MYOM3: variants seen among roughly 807,000 people sequenced by gnomAD.
MYOM3 encodes the protein myomesin-3.
MYOM3 carries 155 observed loss-of-function variants against 191.7 expected under a neutral mutation model. The observed-to-expected ratio is 0.81, with a 90% confidence interval of 0.71 to 0.92. The LOEUF is 0.92. Ranked by LOEUF, MYOM3 falls within the 40% of genes least tolerant of loss-of-function variation. The pLI is 0.00. For missense variants in MYOM3, 1,889 were observed against 1,890.6 expected (o/e 1.00, Z 0.02); for synonymous variants, 757 against 762.9 (o/e 0.99, Z 0.13).
At chr1:24,093,818 T>A (rs531975608) in intron 9 of MYOM3, among the ~76,000 whole-genome samples, 1 of 152,234 alleles carries the variant, frequency 6.6e-6, no homozygotes, top group Non-Finnish European at 1.5e-5. Context: ...TACTCCCTGC[T>A]CCCAGCAGGT....
chr1:24,065,993 G>T lies in MYOM3; in HGVS notation c.3432C>A (p.Asn1144Lys). 1 of 1,611,458 alleles carries T rather than the reference G, an allele frequency of 6.2e-7. No individual in the cohort carries two copies. Among genetic ancestry groups the T allele is most frequent in the Non-Finnish European group, 8.5e-7 (1 of 1,177,492 alleles). Residue 1144 changes from asparagine to lysine, a missense_variant, in exon 29 of 37, where the codon AAC (asparagine) becomes AAA (lysine). By Grantham distance (94) the Asn-to-Lys change is moderately conservative. Coordinates refer to ENST00000374434, the MANE Select transcript of MYOM3 (RefSeq NM_152372.4). The stretch of plus-strand genomic sequence containing the variant: ...ACTGAAAGCGAGTCTCCTTCTTGGT[G>T]TTGGTCACCTGGGGAAGGTGGGGAA... ...CQVQLTCKVTNTKKETRFQWF... is the reference protein window; with the variant it reads ...CQVQLTCKVTKTKKETRFQWF...
chr1:24,061,890 A>G, intron 33 of MYOM3, 56 bp downstream of exon 33: 1 of 1,599,634 alleles, frequency 6.3e-7, no homozygotes. Flanking sequence ...GTGTGCCCAG[A>G]CTGTCCATGG....
chr1:24,062,033 G>C lies in MYOM3; in HGVS notation c.3847C>G (p.Pro1283Ala). ...LDEIWLHILD[P>A]KDSDKGKYTL... is the part of the protein sequence containing the mutation. ...TATTTGCCCTTGTCTGAGTCTTTGG[G>C]GTCCAGGATGTGAAGCCAGATCTCA... is the stretch of plus-strand genomic sequence containing the variant. The change falls in exon 33 of 37, where the codon CCC (proline) becomes GCC (alanine). Residue 1283 changes from proline (P) to alanine (A), a missense_variant. Coordinates refer to ENST00000374434, the MANE Select transcript of MYOM3 (RefSeq NM_152372.4). The C allele has an allele frequency of 1.2e-6, 2 of 1,614,086 alleles. No homozygotes were observed. Among genetic ancestry groups the C allele is most frequent in the Non-Finnish European group, 1.7e-6 (2 of 1,180,028 alleles).
At chr1:24,106,382 C>A in intron 4 of MYOM3, among the ~76,000 whole-genome samples, 1 of 152,042 alleles carries the variant, frequency 6.6e-6, no homozygotes, top group South Asian at 2.1e-4. Context: ...GTGAAAGACA[C>A]GGCACTGAGA....
At chr1:24,102,355 G>A (rs1027026473) in intron 5 of MYOM3, among the ~76,000 whole-genome samples, 9 of 152,078 alleles carry the variant, frequency 5.9e-5, no homozygotes, top group African/African-American at 1.9e-4. Context: ...CACACCTGTC[G>A]GGAAGATTCC....
At chr1:24,059,893 T>A (rs982366564) in intron 35 of MYOM3, among the ~76,000 whole-genome samples, 1 of 152,094 alleles carries the variant, frequency 6.6e-6, no homozygotes, top group Non-Finnish European at 1.5e-5. Context: ...AAGATCCCGA[T>A]GCGGATGGTG....
At chr1:24,104,484 CT>C (rs1029746063) in intron 5 of MYOM3, among the ~76,000 whole-genome samples, 3 of 151,212 alleles carry the variant, frequency 2.0e-5, no homozygotes, top group Non-Finnish European at 4.4e-5. Flanking sequence ...TATTTCTTTT[CT>C]TTTTTTTTGA....
In MYOM3 at chr1:24,071,212, G is replaced by A. The variant is rs183674235; in HGVS notation, c.3055C>T (p.Arg1019Ter). ...TCCAGCCAAAGCCGCACCTCCCCTC[G>A]CTCCAGGATGTCAATGTTCCAGCCG... ...ISGWNIDILE[R>*]GEVRLWLEVE... is the part of the protein sequence containing the mutation. Residue 1019 changes from arginine (R) to a stop codon, truncating the protein, a stop_gained, in exon 25 of 37, where the codon CGA becomes TGA. Coordinates refer to ENST00000374434, the MANE Select transcript of MYOM3 (RefSeq NM_152372.4). LOFTEE classifies it high-confidence loss of function. The A allele has an allele frequency of 3.1e-6, 5 of 1,613,738 alleles. No individual in the cohort carries two copies. The highest frequency in any genetic ancestry group is 4.2e-6 in the Non-Finnish European group (5 of 1,179,864).
In MYOM3 at chr1:24,081,362, A is replaced by G; in HGVS notation, c.2375T>C (p.Phe792Ser). ...GGGCATTGTCCACTCTTTGCACTCA[A>G]ACAGGCTGCTGGGTGCCGACAGCTC... ...VGELSAPSSL[F>S]ECKEWTMPQP... Residue 792 changes from phenylalanine (F) to serine (S), a missense_variant, in exon 19 of 37, where the codon TTT becomes TCT. Coordinates refer to ENST00000374434, the MANE Select transcript of MYOM3 (RefSeq NM_152372.4). 1 of 1,614,128 alleles carries G rather than the reference A, an allele frequency of 6.2e-7. No individual in the cohort carries two copies. Among genetic ancestry groups the G allele is most frequent in the East Asian group, 2.2e-5 (1 of 44,880 alleles).
In MYOM3 at chr1:24,057,325, C is replaced by T. The variant is rs1188999867; in HGVS notation, c.*39G>A. 6 of 1,590,282 alleles carry T rather than the reference C, an allele frequency of 3.8e-6. 1 individual carries two copies. The Admixed American group carries it at 8.5e-5, about 22-fold the overall frequency. On this transcript the variant is annotated 3_prime_UTR_variant, in exon 37 of 37. Transcript: ENST00000374434. The stretch of plus-strand genomic sequence containing the variant: ...CTGGTACAGGTTGTCCCTACTGGTC[C>T]ATGTAGACTAGACTCAGACTGTGCC...
rs201826629 is a variant in MYOM3, at chr1:24,061,284, G to A, written c.3960C>T (p.His1320=). The change falls in exon 34 of 37, where the codon CAC becomes CAT. Residue 1320 remains histidine, a synonymous_variant. Coordinates refer to ENST00000374434, the MANE Select transcript of MYOM3 (RefSeq NM_152372.4). ...GQAFEDAMAE[H]QRLKTLAIIE... is the part of the protein sequence containing the mutation. ...TAGAGGAAACTTACTTCAGTCTCTG[G>A]TGTTCAGCCATTGCATCCTCAAAAG... is the stretch of plus-strand genomic sequence containing the variant. 1.1e-5 allele frequency: 18 copies of A among 1,614,082 alleles called. 1 individual carries two copies. In the East Asian group the frequency reaches 3.8e-4, roughly 34 times the overall value.
At chr1:24,105,165 C>T (rs1643972142) in intron 5 of MYOM3, among the ~76,000 whole-genome samples, 1 of 151,698 alleles carries the variant, frequency 6.6e-6, no homozygotes, top group Non-Finnish European at 1.5e-5. Context: ...CTCCTGCTTT[C>T]CCAGCCCCCT....
At chr1:24,095,373 G>T in intron 8 of MYOM3, 69 bp downstream of exon 8, 6 of 1,448,080 alleles carry the variant, frequency 4.1e-6, no homozygotes, top group Non-Finnish European at 5.8e-6. Context: ...TCTAAACAGG[G>T]ACTGTGGGGG....
chr1:24,071,185 C>T lies in MYOM3; in HGVS notation c.3082G>A (p.Val1028Ile), dbSNP rs374619324. The change falls in exon 25 of 37, where the codon GTA (valine) becomes ATA (isoleucine). Residue 1028 changes from valine to isoleucine, a missense_variant. Transcript: ENST00000374434. ...TCAGCGGCTGGAGATAACTTTTCTA[C>T]TTCCAGCCAAAGCCGCACCTCCCCT... ...ERGEVRLWLE[V>I]EKLSPAAELH... 1.4e-5 allele frequency: 23 copies of T among 1,614,052 alleles called. No individual in the cohort carries two copies. The highest frequency in any genetic ancestry group is 1.8e-5 in the Non-Finnish European group (21 of 1,180,022).
chr1:24,085,280 AGATGGATG>A (rs55900087), intron 15 of MYOM3, among the ~76,000 whole-genome samples: 13,484 of 137,386 alleles, frequency 0.098, 1,792 homozygotes, highest in African/African-American at 0.33. Context: ...ATGGATGGAT[AGATGGATG>A]GATGGATGGA....
intron 23 of MYOM3, 130 bp downstream of exon 23, chr1:24,074,030 G>C: frequency 1.5e-6 from 1 of 658,714 alleles, no homozygotes; most frequent in Non-Finnish European, 2.7e-6. Flanking sequence ...AGAATGGGTG[G>C]GTGAGGGCCT....
intron 16 of MYOM3, chr1:24,083,349 T>A (rs865961687): frequency 6.6e-6 from 1 of 152,256 alleles, no homozygotes; most frequent in Non-Finnish European, 1.5e-5. Flanking sequence ...GGACTCCAAG[T>A]TCTTTAGCTT....
Position 24,075,354 on chromosome 1 carries a change from G to A in MYOM3, c.2823C>T (p.Asp941=), listed in dbSNP as rs1330984824. The A allele has an allele frequency of 6.2e-7, 1 of 1,612,814 alleles. No individual in the cohort carries two copies. The part of the protein sequence containing the change: ...QWSKDYKGPL[D]PQRVKIEDKV... ...TATCCTCGATCTTGACCCTCTGGGG[G>A]TCCAGTGGGCCCTTGTAGTCTTTGG... Residue 941 remains aspartate, a synonymous_variant, in exon 22 of 37, where the codon GAC becomes GAT. Transcript: ENST00000374434.
chr1:24,086,925 CATG>C, intron 14 of MYOM3, 98 bp from the exon 15 acceptor site: 2 of 1,315,228 alleles, frequency 1.5e-6, no homozygotes, highest in Non-Finnish European at 2.1e-6. Context: ...CGTGTGCTCT[CATG>C]ATCCTCTATA....
Sources: allele counts gnomAD v4.1 joint callset (sites outside exome capture counted in the v4.1 genomes callset), GRCh38; gene constraint gnomAD v4.1.1; transcripts MANE v1.5; gene names NCBI Gene and HGNC (gene_info 2026-07-23, HGNC 2026-07-21).